The following PPP1R3E variants were observed in gnomAD, a reference collection of about 807,000 sequenced individuals.
PPP1R3E encodes the protein protein phosphatase 1, regulatory (inhibitor) subunit 3E.
Under a neutral mutation model 18.5 loss-of-function variants are expected in PPP1R3E, and 20 were observed. The ratio of observed to expected loss-of-function variants is 1.08; its 90% confidence interval spans 0.76 to 1.58. The LOEUF (loss-of-function observed/expected upper bound fraction) is 1.58. Ranked by LOEUF, PPP1R3E falls within the 40% of genes most tolerant of loss-of-function variation. The probability of loss-of-function intolerance (pLI) is 0.00; values close to 1 mark genes in which losing one functional copy is unlikely to be tolerated. For missense variants in PPP1R3E, 498 were observed against 460.2 expected, an observed-to-expected ratio of 1.08 and a Z score of -0.75; for synonymous variants, 208 against 208.1, an observed-to-expected ratio of 1.00 and a Z score of 0.00.
rs1025608258 is a variant in PPP1R3E at position 23,298,029 on chromosome 14, G to A, written c.*1275C>T. 6.6e-5 allele frequency: 10 copies of A among 152,266 alleles called. No individual in the cohort carries two copies. Among genetic ancestry groups the A allele is most frequent in the African/African-American group, 2.4e-4 (10 of 41,388 alleles). The allele number at this position is 152,266 out of a possible 1,614,324, so 9.4% of individuals were successfully genotyped here. ...GGCCAGTGGGGGAAGAGGGAGGGAG[G>A]TGGCACACCAACAGGTGTGGAGCGC... On this transcript the variant is annotated 3_prime_UTR_variant, in exon 5 of 5. Transcript: ENST00000452015.
At chr14:23,301,917 G>A in intron 1 of PPP1R3E, 59 bp from the exon 2 acceptor site, 1 of 1,388,416 alleles carries the variant, frequency 7.2e-7, no homozygotes, top group Non-Finnish European at 9.3e-7. Flanking sequence ...GAGAGACAGG[G>A]GGCGGTGTCA....
chr14:23,299,726 GT>G (rs1326659570), intron 3 of PPP1R3E, 185 bp from the exon 4 acceptor site: 1 of 152,006 alleles, frequency 6.6e-6, no homozygotes, highest in Non-Finnish European at 1.5e-5. Flanking sequence ...TAGGAATAGG[GT>G]AAGAGAAAAG....
chr14:23,302,198 GGCGGAGGGC>G lies in PPP1R3E; in HGVS notation c.370_378del (p.Ala124_Arg126del). On this transcript the variant is annotated inframe_deletion, in exon 1 of 5. Transcript: ENST00000452015. ...GCGCGGGGCTGGCAGGGCGCGAAGT[GGCGGAGGGC>G]GTCCCTCTGCAATTGGATCTGCACG... 2 of 1,456,558 alleles carry G rather than the reference GGCGGAGGGC, an allele frequency of 1.4e-6. No homozygotes were observed. Among genetic ancestry groups the G allele is most frequent in the Non-Finnish European group, 1.8e-6 (2 of 1,111,520 alleles). The allele number at this position is 1,456,558 out of a possible 1,614,324, so 90.2% of individuals were successfully genotyped here.
At chr14:23,301,968 C>G (rs1887057252) in intron 1 of PPP1R3E, 110 bp from the exon 2 acceptor site, 1 of 1,291,420 alleles carries the variant, frequency 7.7e-7, no homozygotes, top group African/African-American at 1.6e-5. Flanking sequence ...CCCCGGCGTC[C>G]AGGCCGGCAG....
Position 23,296,238 on chromosome 14 carries a change from T to C in PPP1R3E, c.*3066A>G, listed in dbSNP as rs576131300. 2 of 152,360 alleles carry C rather than the reference T, an allele frequency of 1.3e-5. No homozygotes were observed. The highest frequency in any genetic ancestry group is 2.4e-5 in the African/African-American group (1 of 41,582). The allele number at this position is 152,360 out of a possible 1,614,324, so 9.4% of individuals were successfully genotyped here. On this transcript the variant is annotated 3_prime_UTR_variant, in exon 5 of 5. Transcript: ENST00000452015. ...GCTGAGGACACAGAGAATACCATCA[T>C]TGTCTTTTGTTTCTCTTTATGCCTG...
intron 3 of PPP1R3E, chr14:23,300,063 T>C (rs1258291387): frequency 6.6e-6 from 1 of 151,688 alleles, no homozygotes; most frequent in African/African-American, 2.4e-5. Context: ...CCTTTAATCT[T>C]TGGGGTTCTT....
At position 23,301,621 on chromosome 14, in the gene PPP1R3E, C is replaced by G. The variant is rs1433770460; in HGVS notation, c.655G>C (p.Asp219His). 1 of 1,398,480 alleles carries G rather than the reference C, an allele frequency of 7.2e-7. No individual in the cohort carries two copies. Among genetic ancestry groups the G allele is most frequent in the Non-Finnish European group, 9.3e-7 (1 of 1,077,318 alleles). The allele number at this position is 1,398,480 out of a possible 1,614,324, so 86.6% of individuals were successfully genotyped here. ...GCGGGCAGGCGGAAGGCGAAGCGGT[C>G]GGCGCGCGGCGGGGGCGGGGCCGGA... ...AGPAPPPPRA[D>H]RFAFRLPAPP... The change falls in exon 2 of 5, where the codon GAC becomes CAC. Residue 219 changes from aspartate to histidine, a missense_variant. Physicochemically the swap from Asp to His is moderately conservative, Grantham distance 81 (BLOSUM62 -1). Coordinates refer to ENST00000452015, the MANE Select transcript of PPP1R3E (RefSeq NM_001276318.2).
chr14:23,301,527 T>C lies in PPP1R3E; in HGVS notation c.749A>G (p.Asn250Ser). ...YRVTGHEFWD[N>S]NGGRDYALRG... ...TAGAGCATAGTCACGGCCGCCGTTG[T>C]TGTCCCAGAACTCGTGACCTGTCAC... Residue 250 changes from asparagine to serine, a missense_variant, in exon 2 of 5, where the codon AAC (asparagine) becomes AGC (serine). By Grantham distance (46) the Asn-to-Ser change is conservative. Transcript: ENST00000452015. 6.7e-7 allele frequency: 1 copy of C among 1,500,190 alleles called. No individual in the cohort carries two copies. The highest frequency in any genetic ancestry group is 1.2e-5 in the South Asian group (1 of 80,934). The allele number at this position is 1,500,190 out of a possible 1,614,324, so 92.9% of individuals were successfully genotyped here.
chr14:23,301,044 C>T (rs749408604), intron 2 of PPP1R3E, 180 bp from the exon 3 acceptor site: 4 of 191,178 alleles, frequency 2.1e-5, no homozygotes, highest in Non-Finnish European at 4.3e-5. Context: ...CCTTCTTCAA[C>T]CGCCTAGGCC....
In PPP1R3E at chr14:23,301,838, C is replaced by T; in HGVS notation, c.438G>A (p.Glu146=). 6.8e-7 allele frequency: 1 copy of T among 1,464,794 alleles called. No individual in the cohort carries two copies. Among genetic ancestry groups the T allele is most frequent in the Non-Finnish European group, 9.0e-7 (1 of 1,116,902 alleles). The allele number at this position is 1,464,794 out of a possible 1,614,324, so 90.7% of individuals were successfully genotyped here. ...RGLQEARAAL[E]PASEPGFAAR... ...CGGCGAAGCCGGGCTCGCTGGCCGG[C>T]TCCAGGGCGGCGCGCGCCTCCTGGG... The change falls in exon 2 of 5, where the codon GAG becomes GAA. Residue 146 remains glutamate (E), a synonymous_variant. Transcript: ENST00000452015.
At position 23,301,694 on chromosome 14, in the gene PPP1R3E, G is replaced by C; in HGVS notation, c.582C>G (p.Ser194Arg). 7.4e-7 allele frequency: 1 copy of C among 1,348,526 alleles called. No individual in the cohort carries two copies. The highest frequency in any genetic ancestry group is 1.5e-5 in the African/African-American group (1 of 65,470). The allele number at this position is 1,348,526 out of a possible 1,614,324, so 83.5% of individuals were successfully genotyped here. Residue 194 changes from serine (S) to arginine (R), a missense_variant, in exon 2 of 5, where the codon AGC becomes AGG. By Grantham distance (110) the Ser-to-Arg change is moderately radical. Coordinates refer to ENST00000452015, the MANE Select transcript of PPP1R3E (RefSeq NM_001276318.2). ...AYEKRVSVRWSADGWRSQREA... is the reference protein window; with the variant it reads ...AYEKRVSVRWRADGWRSQREA... Reference sequence around the variant, plus strand: ...CGCGTTGGCTCCGCCAGCCGTCGGCGCTCCAGCGCACGCTCACGCGCTTCT... The same window carrying C: ...CGCGTTGGCTCCGCCAGCCGTCGGCCCTCCAGCGCACGCTCACGCGCTTCT...
chr14:23,299,447 C>T lies in PPP1R3E; in HGVS notation c.*340G>A, dbSNP rs965913165. ...GTAACATCAGGAACTGCTTCTTTTC[C>T]TCCTTCTCTCTTCTAGAAGACTGTC... is the stretch of plus-strand genomic sequence containing the variant. On this transcript the variant is annotated 3_prime_UTR_variant, in exon 4 of 5. Coordinates refer to ENST00000452015, the MANE Select transcript of PPP1R3E (RefSeq NM_001276318.2). The T allele has an allele frequency of 1.3e-5, 2 of 154,194 alleles. No homozygotes were observed. The highest frequency in any genetic ancestry group is 1.3e-4 in the Admixed American group (2 of 15,272). The allele number at this position is 154,194 out of a possible 1,614,324, so 9.6% of individuals were successfully genotyped here.
At chr14:23,299,160 T>C (rs912739803) in intron 4 of PPP1R3E, among the ~76,000 whole-genome samples, 6 of 152,126 alleles carry the variant, frequency 3.9e-5, no homozygotes, top group African/African-American at 1.4e-4. Context: ...GAGACAGGGT[T>C]TCAGTATGTT....
At position 23,297,791 on chromosome 14, in the gene PPP1R3E, G is replaced by A. The variant is rs1024487602; in HGVS notation, c.*1513C>T. The A allele has an allele frequency of 6.6e-6, 1 of 152,218 alleles. No individual in the cohort carries two copies. Among genetic ancestry groups the A allele is most frequent in the African/African-American group, 2.4e-5 (1 of 41,436 alleles). 9.4% of individuals were successfully genotyped at this position (152,218 alleles called of 1,614,324 possible). On this transcript the variant is annotated 3_prime_UTR_variant, in exon 5 of 5. Coordinates refer to ENST00000452015, the MANE Select transcript of PPP1R3E (RefSeq NM_001276318.2). ...ATATGGGAATAATCAAGACCAAAAT[G>A]TTGTTCTATAAAGCTGAGATTGGGG... is the stretch of plus-strand genomic sequence containing the variant.
rs574632324 is a variant in PPP1R3E at position 23,301,486 on chromosome 14, G to A, written c.790C>T (p.Pro264Ser). Residue 264 changes from proline to serine, a missense_variant, in exon 2 of 5, where the codon CCG (proline) becomes TCG (serine). Physicochemically the swap from Pro to Ser is moderately conservative, Grantham distance 74 (BLOSUM62 -1). Transcript: ENST00000452015. ...RDYALRGPEH[P>S]GSGGAPEPQG... ...GGCTCCGGAGCTCCGCCACTGCCCGGGTGCTCGGGCCCACGTAGAGCATAG... is the reference window on the plus strand; with the variant it reads ...GGCTCCGGAGCTCCGCCACTGCCCGAGTGCTCGGGCCCACGTAGAGCATAG... 7 of 1,470,506 alleles carry A rather than the reference G, an allele frequency of 4.8e-6. No homozygotes were observed. In the African/African-American group the frequency reaches 5.8e-5, roughly 12 times the overall value. 91.1% of individuals were successfully genotyped at this position (1,470,506 alleles called of 1,614,324 possible). A position where few individuals can be genotyped will look rare whatever the true frequency, so the allele number is the denominator to read the frequency against.
intron 3 of PPP1R3E, among the ~76,000 whole-genome samples, chr14:23,299,794 G>A (rs1287838989): frequency 1.3e-5 from 2 of 152,082 alleles, no homozygotes; most frequent in Admixed American, 6.5e-5. Flanking sequence ...CAGGAGGAGA[G>A]GCTTATATAA....
Position 23,301,660 on chromosome 14 carries a change from C to G in PPP1R3E, c.616G>C (p.Ala206Pro), listed in dbSNP as rs2138411522. The G allele has an allele frequency of 7.6e-7, 1 of 1,312,340 alleles. No homozygotes were observed. Among genetic ancestry groups the G allele is most frequent in the Non-Finnish European group, 9.6e-7 (1 of 1,036,886 alleles). 81.3% of individuals were successfully genotyped at this position (1,312,340 alleles called of 1,614,324 possible). ...GGCGGGGCCGGACCGGCGTAGGCGG[C>G]TGGCGCCTCGCGTTGGCTCCGCCAG... ...DGWRSQREAP[A>P]AYAGPAPPPP... is the part of the protein sequence containing the mutation. Residue 206 changes from alanine to proline, a missense_variant, in exon 2 of 5, where the codon GCC (alanine) becomes CCC (proline). Ala to Pro is a conservative substitution (Grantham distance 27). Coordinates refer to ENST00000452015, the MANE Select transcript of PPP1R3E (RefSeq NM_001276318.2).
Position 23,302,680 on chromosome 14 carries a change from T to A in PPP1R3E, c.-104A>T, listed in dbSNP as rs1887081617. ...CAGCGCAGAAGTCGCTGGGTCCGCT[T>A]CTGCAGCCCCTCGCTGCTGTGTATT... On this transcript the variant is annotated 5_prime_UTR_variant, in exon 1 of 5. Transcript: ENST00000452015. 1 of 1,183,696 alleles carries A rather than the reference T, an allele frequency of 8.4e-7. No homozygotes were observed. Among genetic ancestry groups the A allele is most frequent in the East Asian group, 3.1e-5 (1 of 32,502 alleles). The allele number at this position is 1,183,696 out of a possible 1,614,324, so 73.3% of individuals were successfully genotyped here.
In PPP1R3E at chr14:23,298,199, G is replaced by A. The variant is rs1229738289; in HGVS notation, c.*1105C>T. 2.0e-5 allele frequency: 3 copies of A among 152,206 alleles called. No individual in the cohort carries two copies. The highest frequency in any genetic ancestry group is 4.8e-5 in the African/African-American group (2 of 41,416). The allele number at this position is 152,206 out of a possible 1,614,324, so 9.4% of individuals were successfully genotyped here. On this transcript the variant is annotated 3_prime_UTR_variant, in exon 5 of 5. Coordinates refer to ENST00000452015, the MANE Select transcript of PPP1R3E (RefSeq NM_001276318.2). ...CTCCTTCGAGTCACAGATGAAGCTCGGGGGCCCCCTGTCTTCTCCAAGCCA... is the reference window on the plus strand; with the variant it reads ...CTCCTTCGAGTCACAGATGAAGCTCAGGGGCCCCCTGTCTTCTCCAAGCCA...
Sources: gnomAD v4.1 joint callset for allele counts (sites outside exome capture counted in the v4.1 genomes callset) on GRCh38, gnomAD v4.1.1 for gene constraint, MANE v1.5 for transcripts, NCBI Gene and HGNC (gene_info 2026-07-23, HGNC 2026-07-21) for gene names.